The following PLCB1 variants were observed in gnomAD, a reference collection of about 807,000 sequenced individuals.
PLCB1 encodes phospholipase C beta 1, also known as 1-phosphatidylinositol 4,5-bisphosphate phosphodiesterase beta-1.
A neutral mutation model predicts 161.8 loss-of-function variants in PLCB1; 46 were observed. The observed-to-expected ratio is 0.28, with a 90% CI of 0.22 to 0.36. PLCB1 has a LOEUF of 0.36. Among genes scored for constraint, PLCB1 ranks in the 10% least tolerant of loss-of-function variants. PLCB1 has a pLI of 1.00. For synonymous variants in PLCB1, 517 were observed against 503.7 expected (o/e 1.03, Z -0.35); for missense variants, 1,016 against 1,472.5 (o/e 0.69, Z 5.07).
At chr20:8,823,483 G>A (rs1985538205) in intron 31 of PLCB1, among the ~76,000 whole-genome samples, 1 of 152,182 alleles carries the variant, frequency 6.6e-6, no homozygotes, top group South Asian at 2.1e-4. Flanking sequence ...GTGGATTTTG[G>A]CATCCAAAGA....
In PLCB1 at chr20:8,615,781, G is replaced by A. The variant is rs143996567; in HGVS notation, c.247-12513G>A. Among the ~76,000 whole-genome samples, 1,137 of 152,180 alleles carry A rather than the reference G, an allele frequency of 7.5e-3. 19 individuals carry two copies. Among genetic ancestry groups the A allele is most frequent in the African/African-American group, 0.026 (1,091 of 41,510 alleles). ...TTTTGCTGTATTTGAACTTCTCTCC[G>A]GAATAAAACTGAAATCAGGGGCTTT... is the stretch of plus-strand genomic sequence containing the variant. On this transcript the variant is annotated intron_variant, in intron 3 of 31. Coordinates refer to ENST00000338037, the MANE Select transcript of PLCB1 (RefSeq NM_015192.4).
intron 27 of PLCB1, 45 bp downstream of exon 27, chr20:8,774,764 C>A (rs532109976): frequency 1.4e-5 from 21 of 1,507,570 alleles, no homozygotes; most frequent in Admixed American, 1.8e-5. Flanking sequence ...CTGGAACTCC[C>A]TTATAGGAAA....
At chr20:8,733,129 A>C in intron 18 of PLCB1, 109 bp from the exon 19 acceptor site, 3 of 1,084,098 alleles carry the variant, frequency 2.8e-6, no homozygotes, top group Non-Finnish European at 2.7e-6. Context: ...CTCTCTTCCA[A>C]GGGAATACAG....
intron 3 of PLCB1, among the ~76,000 whole-genome samples, chr20:8,468,389 G>A (rs1486190947): frequency 1.3e-5 from 2 of 152,100 alleles, no homozygotes; most frequent in African/African-American, 4.8e-5. Flanking sequence ...ATATGAGTAT[G>A]GACTCTGGAG....
chr20:8,248,150 G>T (rs6118136), intron 2 of PLCB1, among the ~76,000 whole-genome samples: 6 of 151,880 alleles, frequency 4.0e-5, no homozygotes, highest in African/African-American at 1.4e-4. Flanking sequence ...TTCCATTTCA[G>T]GTGAAGTTCC....
chr20:8,740,817 T>A (rs1980838876), intron 22 of PLCB1, among the ~76,000 whole-genome samples: 1 of 152,140 alleles, frequency 6.6e-6, no homozygotes. Flanking sequence ...ATGGGTGACA[T>A]CCTAAATTTA....
intron 3 of PLCB1, among the ~76,000 whole-genome samples, chr20:8,466,324 T>A: frequency 1.7e-5 from 1 of 58,646 alleles, no homozygotes; most frequent in Middle Eastern, 7.7e-3. Flanking sequence ...GGGACTGTTG[T>A]GGGGTGGGGG....
intron 7 of PLCB1, chr20:8,651,723 C>T (rs372115058): frequency 4.1e-5 from 19 of 458,942 alleles, no homozygotes; most frequent in South Asian, 3.1e-4. Context: ...CCAACAAATG[C>T]GTCTGTAAAC....
Position 8,415,814 on chromosome 20 carries a change from T to C in PLCB1, c.246+44364T>C, listed in dbSNP as rs563044468. Among the ~76,000 whole-genome samples the C allele has an allele frequency of 4.6e-5, 7 of 152,268 alleles. No homozygotes were observed. In the East Asian group the frequency reaches 1.4e-3, roughly 29 times the overall value. On this transcript the variant is annotated intron_variant, in intron 3 of 31. Coordinates refer to ENST00000338037, the MANE Select transcript of PLCB1 (RefSeq NM_015192.4). The stretch of plus-strand genomic sequence containing the variant: ...TTCATGTGGGGCAGAAAAATATCAA[T>C]GTCTGCTGGGGAATGAAAACCAAGA...
chr20:8,386,524 T>C (rs770977101), intron 3 of PLCB1, among the ~76,000 whole-genome samples: 1 of 152,218 alleles, frequency 6.6e-6, no homozygotes, highest in Non-Finnish European at 1.5e-5. Flanking sequence ...GATTTTGTTG[T>C]GCTGTTTATA....
Position 8,371,431 on chromosome 20 carries a change from G to A in PLCB1, c.227G>A (p.Arg76Lys). ...LSLVKDARCG[R>K]HAKAPKDPKL... ...CTTGTCAAAGATGCCAGATGTGGGA[G>A]ACACGCCAAAGCTCCCAAGGTAGGA... The change falls in exon 3 of 32, where the codon AGA (arginine) becomes AAA (lysine). Residue 76 changes from arginine (R) to lysine (K), a missense_variant. Transcript: ENST00000338037. 2 of 1,613,588 alleles carry A rather than the reference G, an allele frequency of 1.2e-6. No individual in the cohort carries two copies. The highest frequency in any genetic ancestry group is 1.7e-6 in the Non-Finnish European group (2 of 1,179,618).
chr20:8,144,375 A>G (rs1568568639), intron 1 of PLCB1, among the ~76,000 whole-genome samples: 1 of 152,172 alleles, frequency 6.6e-6, no homozygotes, highest in Non-Finnish European at 1.5e-5. Context: ...TTGAAGAACA[A>G]TTCTTCCAAC....
intron 31 of PLCB1, among the ~76,000 whole-genome samples, chr20:8,810,021 A>T (rs184139405): frequency 6.6e-6 from 1 of 152,166 alleles, no homozygotes; most frequent in South Asian, 2.1e-4. Flanking sequence ...TTCCTCTAAA[A>T]GTTTTATGTA....
chr20:8,793,198 C>T (rs1489279662), intron 31 of PLCB1, among the ~76,000 whole-genome samples: 1 of 152,156 alleles, frequency 6.6e-6, no homozygotes, highest in African/African-American at 2.4e-5. Context: ...GATAAGAAAA[C>T]AGAGTGATTT....
chr20:8,330,327 A>G (rs1197812227), intron 2 of PLCB1, among the ~76,000 whole-genome samples: 1 of 152,236 alleles, frequency 6.6e-6, no homozygotes, highest in Non-Finnish European at 1.5e-5. Flanking sequence ...AACTTGCACC[A>G]AGCCTCACAG....
chr20:8,624,704 A>G (rs1190355226), intron 3 of PLCB1, among the ~76,000 whole-genome samples: 2 of 152,228 alleles, frequency 1.3e-5, no homozygotes, highest in African/African-American at 2.4e-5. Flanking sequence ...AGCTTTAACA[A>G]GAGCAAAACT....
chr20:8,275,812 T>C (rs558271168), intron 2 of PLCB1, among the ~76,000 whole-genome samples: 4 of 152,314 alleles, frequency 2.6e-5, no homozygotes, highest in Admixed American at 2.6e-4. Flanking sequence ...TATAACCAAC[T>C]GTGTGAACTA....
intron 3 of PLCB1, among the ~76,000 whole-genome samples, chr20:8,498,141 A>G (rs940379072): frequency 3.9e-5 from 6 of 152,170 alleles, no homozygotes; most frequent in Admixed American, 1.3e-4. Context: ...CTCTGTTGCC[A>G]GGCTGGAGTG....
chr20:8,783,332 A>G (rs1195564048), intron 27 of PLCB1, among the ~76,000 whole-genome samples: 1 of 152,226 alleles, frequency 6.6e-6, no homozygotes, highest in African/African-American at 2.4e-5. Flanking sequence ...CTAATAAATG[A>G]TCGAATGGCT....
Sources: gnomAD v4.1 joint callset for allele counts (sites outside exome capture counted in the v4.1 genomes callset) on GRCh38, gnomAD v4.1.1 for gene constraint, MANE v1.5 for transcripts, NCBI Gene and HGNC (gene_info 2026-07-23, HGNC 2026-07-21) for gene names.